Variants in DOCK1 observed in about 807,000 individuals in gnomAD.
DOCK1 encodes the protein dedicator of cytokinesis 1.
A neutral mutation model predicts 262.7 loss-of-function variants in DOCK1; 138 were observed. The ratio of observed to expected loss-of-function variants is 0.53; its 90% confidence interval spans 0.46 to 0.61. DOCK1 has a LOEUF of 0.61. Ranked by LOEUF, DOCK1 falls within the 20% of genes least tolerant of loss-of-function variation. DOCK1 has a pLI of 0.00. For synonymous variants in DOCK1, 866 were observed against 867.4 expected, an observed-to-expected ratio of 1.00 and a Z score of 0.03; for missense variants, 1,908 against 2,370.7, an observed-to-expected ratio of 0.80 and a Z score of 4.05.
intron 23 of DOCK1, among the ~76,000 whole-genome samples, chr10:127,080,822 G>A (rs922780790): frequency 2.0e-5 from 3 of 152,022 alleles, no homozygotes; most frequent in East Asian, 1.9e-4. Context: ...TCTTTTATTT[G>A]TCATAAGCGA....
At chr10:127,195,528 C>G (rs964480262) in intron 27 of DOCK1, among the ~76,000 whole-genome samples, 38 of 152,124 alleles carry the variant, frequency 2.5e-4, no homozygotes, top group Non-Finnish European at 4.3e-4. Flanking sequence ...ACTCATCCCC[C>G]CCCCGAAGTT....
intron 20 of DOCK1, 110 bp downstream of exon 20, chr10:127,042,824 A>C: frequency 8.5e-7 from 1 of 1,177,014 alleles, no homozygotes; most frequent in Admixed American, 2.0e-5. Flanking sequence ...ACGCATTTTC[A>C]GTTGTAAATC....
intron 29 of DOCK1, among the ~76,000 whole-genome samples, chr10:127,262,830 G>A (rs1367214275): frequency 6.6e-6 from 1 of 152,124 alleles, no homozygotes; most frequent in African/African-American, 2.4e-5. Context: ...GTGCCATCAC[G>A]TCCTTCATAC....
chr10:127,117,097 T>A (rs1344430935), intron 25 of DOCK1, among the ~76,000 whole-genome samples: 1 of 152,258 alleles, frequency 6.6e-6, no homozygotes, highest in African/African-American at 2.4e-5. Context: ...AAATGACTTA[T>A]TGAATGTAGG....
At chr10:127,248,418 T>G (rs1442793672) in intron 28 of DOCK1, among the ~76,000 whole-genome samples, 1 of 152,236 alleles carries the variant, frequency 6.6e-6, no homozygotes, top group Non-Finnish European at 1.5e-5. Context: ...TTGGAGATGT[T>G]ATCCATGGAT....
intron 27 of DOCK1, among the ~76,000 whole-genome samples, chr10:127,234,270 T>C (rs990364655): frequency 1.3e-5 from 2 of 152,146 alleles, no homozygotes; most frequent in Non-Finnish European, 2.9e-5. Context: ...GCTTGATGTA[T>C]TTAGAAACCC....
chr10:126,956,213 G>A (rs954889994), intron 1 of DOCK1, among the ~76,000 whole-genome samples: 1 of 152,256 alleles, frequency 6.6e-6, no homozygotes, highest in Non-Finnish European at 1.5e-5. Context: ...CTCATCAGCA[G>A]TCAGCATCTG....
chr10:127,007,764 G>T (rs1277629881), intron 10 of DOCK1, among the ~76,000 whole-genome samples: 1 of 152,178 alleles, frequency 6.6e-6, no homozygotes, highest in Admixed American at 6.5e-5. Context: ...GATTGAAAGA[G>T]CTTGGGTCTT....
chr10:127,346,845 C>G (rs1032835016), intron 31 of DOCK1, among the ~76,000 whole-genome samples: 2 of 152,208 alleles, frequency 1.3e-5, no homozygotes, highest in Non-Finnish European at 2.9e-5. Context: ...CCAGGCAGTT[C>G]AGAAGTTGTC....
chr10:127,213,582 T>G lies in DOCK1; in HGVS notation c.2848-34426T>G, dbSNP rs114350507. Among the ~76,000 whole-genome samples the G allele has an allele frequency of 5.6e-3, 858 of 152,372 alleles. 9 individuals carry two copies. The highest frequency in any genetic ancestry group is 0.02 in the African/African-American group (815 of 41,586). On this transcript the variant is annotated intron_variant, in intron 27 of 51. Coordinates refer to ENST00000623213, the MANE Select transcript of DOCK1 (RefSeq NM_001290223.2). ...AAAATGTTTCCCTATAGCAGTGCTT[T>G]CAGAAACGTGAATACATTAATGTAC...
intron 27 of DOCK1, among the ~76,000 whole-genome samples, chr10:127,198,483 C>T (rs1360377747): frequency 6.6e-6 from 1 of 152,210 alleles, no homozygotes; most frequent in African/African-American, 2.4e-5. Context: ...AATGCATGCC[C>T]AGCAAGGCAG....
chr10:127,333,834 A>C (rs2135689150), intron 29 of DOCK1, among the ~76,000 whole-genome samples: 1 of 152,320 alleles, frequency 6.6e-6, no homozygotes, highest in South Asian at 2.1e-4. Context: ...GTAAGGTGTC[A>C]GTGGAGATCA....
rs1396274934 is a variant in DOCK1 at position 127,176,815 on chromosome 10, T to A, written c.2847+49051T>A. The A allele has an allele frequency of 1.9e-5, 3 of 160,732 alleles. No homozygotes were observed. Among genetic ancestry groups the A allele is most frequent in the Non-Finnish European group, 4.1e-5 (3 of 73,642 alleles). The allele number at this position is 160,732 out of a possible 1,614,324, so 10.0% of individuals were successfully genotyped here. A position where few individuals can be genotyped will look rare whatever the true frequency, so the allele number is the denominator to read the frequency against. ...ATTTGGTTTGCGTTTTGACTATTTT[T>A]TGAGGATGACGTCATTAATCTATTG... is the stretch of plus-strand genomic sequence containing the variant. On this transcript the variant is annotated intron_variant, in intron 27 of 51. Coordinates refer to ENST00000623213, the MANE Select transcript of DOCK1 (RefSeq NM_001290223.2). The surrounding 1 kb of genome is among the most constrained non-coding windows in gnomAD (Gnocchi z 4.4).
intron 40 of DOCK1, among the ~76,000 whole-genome samples, chr10:127,408,554 C>T (rs533952378): frequency 2.6e-5 from 4 of 152,272 alleles, no homozygotes; most frequent in Non-Finnish European, 5.9e-5. Flanking sequence ...GGTGCTGGGG[C>T]CCCACCTTAG....
At chr10:127,250,254 T>C (rs537644507) in intron 28 of DOCK1, among the ~76,000 whole-genome samples, 1 of 152,328 alleles carries the variant, frequency 6.6e-6, no homozygotes, top group Admixed American at 6.5e-5. Flanking sequence ...AAACATGTAA[T>C]CTGAACTATT....
At chr10:126,917,852 G>C (rs1438374089) in intron 1 of DOCK1, among the ~76,000 whole-genome samples, 1 of 152,128 alleles carries the variant, frequency 6.6e-6, no homozygotes, top group African/African-American at 2.4e-5. Flanking sequence ...GGACATTAGA[G>C]GCCTGTCTCC....
At chr10:127,444,352 T>G in intron 50 of DOCK1, 73 bp downstream of exon 50, 1 of 1,482,894 alleles carries the variant, frequency 6.7e-7, no homozygotes, top group Non-Finnish European at 9.0e-7. Context: ...GCTCTGAGGT[T>G]AGAAGCGCTT....
At chr10:127,096,995 C>T (rs1479265740) in intron 23 of DOCK1, among the ~76,000 whole-genome samples, 2 of 152,078 alleles carry the variant, frequency 1.3e-5, no homozygotes, top group Non-Finnish European at 2.9e-5. Flanking sequence ...ATTCTAGCTA[C>T]TCAGGAGGCT....
intron 23 of DOCK1, among the ~76,000 whole-genome samples, chr10:127,067,886 C>T (rs1000957876): frequency 6.6e-6 from 1 of 152,018 alleles, no homozygotes; most frequent in Non-Finnish European, 1.5e-5. Context: ...GACCAGCATG[C>T]GGATTGAACT....
Sources: allele counts gnomAD v4.1 joint callset (sites outside exome capture counted in the v4.1 genomes callset), GRCh38; gene constraint gnomAD v4.1.1; non-coding constraint Gnocchi (gnomAD v3.1); transcripts MANE v1.5; gene names NCBI Gene and HGNC (gene_info 2026-07-23, HGNC 2026-07-21).